Variants in PGM1 observed in about 807,000 individuals in gnomAD.
PGM1 encodes phosphoglucomutase 1, also known as phosphoglucomutase-1.
PGM1 carries 52 observed loss-of-function variants against 55.6 expected under a neutral mutation model. That is an observed-to-expected ratio of 0.94 (90% CI 0.75 to 1.18). PGM1 has a LOEUF of 1.18. Ranked by LOEUF, PGM1 falls within the 50% of genes most tolerant of loss-of-function variation. PGM1 has a pLI of 0.00. For synonymous variants in PGM1, 287 were observed against 271.7 expected (o/e 1.06, Z -0.55); for missense variants, 724 against 729.3 (o/e 0.99, Z 0.08).
intron 4 of PGM1, among the ~76,000 whole-genome samples, chr1:63,633,950 T>TTTATTA (rs1649291613): frequency 7.6e-6 from 1 of 131,786 alleles, no homozygotes; most frequent in Non-Finnish European, 1.6e-5. Flanking sequence ...TTTTTTTTTT[T>TTTATTA]TTTTTTTTTT....
At chr1:63,606,161 C>T (rs1648412417) in intron 1 of PGM1, among the ~76,000 whole-genome samples, 1 of 152,204 alleles carries the variant, frequency 6.6e-6, no homozygotes, top group Non-Finnish European at 1.5e-5. Context: ...TTCTGCCAAC[C>T]ATTTGTCTCA....
At chr1:63,621,979 A>T (rs549062957) in intron 1 of PGM1, among the ~76,000 whole-genome samples, 6 of 152,282 alleles carry the variant, frequency 3.9e-5, no homozygotes, top group African/African-American at 1.4e-4. Flanking sequence ...ACAAGTTAGT[A>T]TAAAAAGACT....
At chr1:63,643,806 G>A (rs1280114879) in intron 7 of PGM1, among the ~76,000 whole-genome samples, 2 of 152,218 alleles carry the variant, frequency 1.3e-5, no homozygotes, top group Non-Finnish European at 2.9e-5. Flanking sequence ...GGCATGGGGA[G>A]GGCATCCTGG....
At position 63,593,588 on chromosome 1, in the gene PGM1, A is replaced by T; in HGVS notation, c.100A>T (p.Asn34Tyr). The T allele has an allele frequency of 6.2e-7, 1 of 1,613,690 alleles. No homozygotes were observed. Among genetic ancestry groups the T allele is most frequent in the Non-Finnish European group, 8.5e-7 (1 of 1,179,910 alleles). The change falls in exon 1 of 11, where the codon AAC becomes TAC. Residue 34 changes from asparagine (N) to tyrosine (Y), a missense_variant. By Grantham distance (143) the Asn-to-Tyr change is moderately radical. Around this residue, in one of 3 missense-constraint regions of PGM1, gnomAD observed 379 missense variants for 357.5 expected, o/e 1.06. Coordinates refer to ENST00000371084, the MANE Select transcript of PGM1 (RefSeq NM_002633.3). ...KRVKVFQSSANYAENFIQSII... is the reference protein window; with the variant it reads ...KRVKVFQSSAYYAENFIQSII... Reference sequence around the variant, plus strand: ...GGTGAAGGTGTTCCAGAGCAGCGCCAACTACGCGGAGAACTTCATCCAGAG... The same window carrying T: ...GGTGAAGGTGTTCCAGAGCAGCGCCTACTACGCGGAGAACTTCATCCAGAG...
intron 4 of PGM1, among the ~76,000 whole-genome samples, chr1:63,633,908 GTGTGTGTGTGTA>G (rs1340578281): frequency 9.0e-5 from 3 of 33,254 alleles, no homozygotes; most frequent in Admixed American, 2.9e-4. Flanking sequence ...GTGTGTGTGT[GTGTGTGTGTGTA>G]TATATATATA....
intron 1 of PGM1, among the ~76,000 whole-genome samples, chr1:63,618,900 G>A (rs1032231720): frequency 5.3e-5 from 8 of 152,052 alleles, no homozygotes; most frequent in South Asian, 4.1e-4. Flanking sequence ...ATACTATTTC[G>A]AATTCTTTTC....
intron 6 of PGM1, among the ~76,000 whole-genome samples, chr1:63,637,838 A>G (rs1481401139): frequency 6.6e-6 from 1 of 152,206 alleles, no homozygotes; most frequent in Admixed American, 6.5e-5. Flanking sequence ...ATAAAAGTTT[A>G]TTGTACTTTC....
chr1:63,629,538 A>G lies in PGM1; in HGVS notation c.360A>G (p.Pro120=), dbSNP rs1006663830. The change falls in exon 2 of 11, where the codon CCA becomes CCG. Residue 120 remains proline (P), a synonymous_variant. Coordinates refer to ENST00000371084, the MANE Select transcript of PGM1 (RefSeq NM_002633.3). ...TCATTCTGACAGCCAGTCACAACCC[A>G]GGGGGCCCCAATGGAGATTTTGGAA... is the stretch of plus-strand genomic sequence containing the variant. The part of the protein sequence containing the change: ...GGIILTASHN[P]GGPNGDFGIK... 4 of 1,613,490 alleles carry G rather than the reference A, an allele frequency of 2.5e-6. No individual in the cohort carries two copies. The highest frequency in any genetic ancestry group is 3.4e-6 in the Non-Finnish European group (4 of 1,179,560).
At chr1:63,606,844 C>T (rs1057321985) in intron 1 of PGM1, among the ~76,000 whole-genome samples, 28 of 152,160 alleles carry the variant, frequency 1.8e-4, no homozygotes, top group African/African-American at 6.8e-4. Flanking sequence ...GAAGACAGAA[C>T]TTAATTTTAT....
chr1:63,609,531 T>A (rs1648512103), intron 1 of PGM1, among the ~76,000 whole-genome samples: 1 of 152,190 alleles, frequency 6.6e-6, no homozygotes, highest in African/African-American at 2.4e-5. Flanking sequence ...TCTATTACAG[T>A]CAGTCCTTGA....
At chr1:63,630,906 C>G (rs1467926847) in intron 3 of PGM1, among the ~76,000 whole-genome samples, 1 of 152,132 alleles carries the variant, frequency 6.6e-6, no homozygotes, top group Non-Finnish European at 1.5e-5. Context: ...TGAACCTACT[C>G]AGGGAGAGCT....
rs1647965229 is a variant in PGM1 at position 63,594,163 on chromosome 1, C to T, written c.246+429C>T. On this transcript the variant is annotated intron_variant, in intron 1 of 10. Transcript: ENST00000371084. ...AGGAAAGGTTAGACTGCCGCCGCCT[C>T]GCCCAGAGCCCCCTCGCATCCCGCC... is the stretch of plus-strand genomic sequence containing the variant. The T allele has an allele frequency of 3.1e-6, 3 of 982,526 alleles. No homozygotes were observed. In the East Asian group the frequency reaches 3.4e-4, roughly 111 times the overall value. The allele number at this position is 982,526 out of a possible 1,614,324, so 60.9% of individuals were successfully genotyped here.
chr1:63,615,550 C>CTTTTTTT lies in PGM1; in HGVS notation c.247-13851_247-13845dup, dbSNP rs1161161385. 7.3e-3 allele frequency among the ~76,000 whole-genome samples: 463 copies of CTTTTTTT among 62,998 alleles called. 44 individuals carry two copies. Among genetic ancestry groups the CTTTTTTT allele is most frequent in the East Asian group, 0.026 (42 of 1,620 alleles). 41.3% of individuals were successfully genotyped at this position (62,998 alleles called of 152,430 possible). A position where few individuals can be genotyped will look rare whatever the true frequency, so the allele number is the denominator to read the frequency against. ...CCATTTCTCTCCTCTTCTTCTTCTT[C>CTTTTTTT]TTTTTTTTTTTTTTTTTTTTTTTTT... On this transcript the variant is annotated intron_variant, in intron 1 of 10. Transcript: ENST00000371084.
intron 1 of PGM1, among the ~76,000 whole-genome samples, chr1:63,598,931 G>A (rs1215511885): frequency 1.3e-5 from 2 of 152,198 alleles, no homozygotes; most frequent in African/African-American, 2.4e-5. Context: ...TCTCCCGCTT[G>A]AAGTGAACCA....
chr1:63,651,588 A>T, intron 8 of PGM1, 81 bp from the exon 9 acceptor site: 1 of 1,354,122 alleles, frequency 7.4e-7, no homozygotes. Context: ...GGCCAAACAA[A>T]TGATGAAGAA....
intron 3 of PGM1, 66 bp downstream of exon 3, chr1:63,630,154 G>A (rs1354376146): frequency 2.0e-5 from 29 of 1,473,308 alleles, no homozygotes; most frequent in East Asian, 9.1e-5. Context: ...TCCTTTCAAC[G>A]TTTTAGTAGA....
chr1:63,656,571 G>GGTGTGTGT (rs10629750), intron 10 of PGM1, among the ~76,000 whole-genome samples: 547 of 144,334 alleles, frequency 3.8e-3, no homozygotes, highest in African/African-American at 8.9e-3. Context: ...AAGACATTGT[G>GGTGTGTGT]GTGTGTGTGT....
intron 1 of PGM1, among the ~76,000 whole-genome samples, chr1:63,602,017 G>A (rs944164982): frequency 2.6e-5 from 4 of 152,192 alleles, no homozygotes; most frequent in African/African-American, 9.6e-5. Flanking sequence ...TTTGAAGGAT[G>A]AAATGCGATA....
At chr1:63,630,284 A>T (rs1649160468) in intron 3 of PGM1, among the ~76,000 whole-genome samples, 196 bp downstream of exon 3, 1 of 152,188 alleles carries the variant, frequency 6.6e-6, no homozygotes, top group African/African-American at 2.4e-5. Context: ...GGGCCCTGCC[A>T]GGGATCAGCT....
Sources: allele counts gnomAD v4.1 joint callset (sites outside exome capture counted in the v4.1 genomes callset), GRCh38; gene constraint gnomAD v4.1.1; regional missense constraint gnomAD v4.1.1; transcripts MANE v1.5; gene names NCBI Gene and HGNC (gene_info 2026-07-23, HGNC 2026-07-21).